The following THRSP variants were observed in gnomAD, a reference collection of about 807,000 sequenced individuals.
THRSP encodes thyroid hormone-inducible hepatic protein.
THRSP carries 9 observed loss-of-function variants against 11.1 expected under a neutral mutation model. The ratio of observed to expected loss-of-function variants is 0.81; its 90% CI spans 0.49 to 1.42. The LOEUF (loss-of-function observed/expected upper bound fraction) is 1.42. Among genes scored for constraint, THRSP ranks in the 40% most tolerant of loss-of-function variants. The probability of loss-of-function intolerance (pLI) is 0.00; values close to 1 mark genes in which losing one functional copy is unlikely to be tolerated. For missense variants in THRSP, 177 were observed against 188.2 expected, an observed-to-expected ratio of 0.94 and a Z score of 0.35; for synonymous variants, 73 against 78.1, an observed-to-expected ratio of 0.94 and a Z score of 0.34.
chr11:78,064,235 C>T lies in THRSP; in HGVS notation c.354C>T (p.Ser118=). 6.2e-7 allele frequency: 1 copy of T among 1,614,090 alleles called. No individual in the cohort carries two copies. Among genetic ancestry groups the T allele is most frequent in the Non-Finnish European group, 8.5e-7 (1 of 1,180,012 alleles). Reference sequence around the variant, plus strand: ...AAGCCCAGTTCCACCTGCACTTCTCCAGCCTCCATCACATCCTCATGCACC... The same window carrying T: ...AAGCCCAGTTCCACCTGCACTTCTCTAGCCTCCATCACATCCTCATGCACC... The part of the protein sequence containing the change: ...DLEAQFHLHF[S]SLHHILMHLT... The change falls in exon 1 of 2, where the codon TCC becomes TCT. Residue 118 remains serine (S), a synonymous_variant. Coordinates refer to ENST00000281030, the MANE Select transcript of THRSP (RefSeq NM_003251.4).
intron 1 of THRSP, among the ~76,000 whole-genome samples, chr11:78,067,162 C>T (rs939671767): frequency 2.4e-5 from 3 of 125,982 alleles, no homozygotes; most frequent in African/African-American, 9.4e-5. Context: ...GCTCTTGTCA[C>T]CCAGGCTGGA....
chr11:78,067,530 G>A (rs1342026641), intron 1 of THRSP, 129 bp from the exon 2 acceptor site: 1 of 152,218 alleles, frequency 6.6e-6, no homozygotes, highest in Non-Finnish European at 1.5e-5. Context: ...TCCTTACAGT[G>A]CTGAGGCACT....
intron 1 of THRSP, among the ~76,000 whole-genome samples, chr11:78,067,247 G>A (rs1858784668): frequency 6.6e-6 from 1 of 151,010 alleles, no homozygotes; most frequent in Non-Finnish European, 1.5e-5. Flanking sequence ...TCAGCCTCCC[G>A]AGTAGCTGGG....
chr11:78,064,320 T>C lies in THRSP; in HGVS notation c.439T>C (p.Ter147GlnextTer11). The C allele has an allele frequency of 1.9e-6, 3 of 1,607,002 alleles. No individual in the cohort carries two copies. Among genetic ancestry groups the C allele is most frequent in the Non-Finnish European group, 2.5e-6 (3 of 1,176,482 alleles). ...CCAGGAAATGACGGGACAAGTTTGG[T>C]AGACCTTGGACACTAGGGAAGGTAA... Reference protein sequence around the residue: ...KYQEMTGQVW* With the variant: ...KYQEMTGQVWQ Residue 147 changes from the stop codon to glutamine (Q), a stop_lost, in exon 1 of 2, where the codon TAG becomes CAG. Transcript: ENST00000281030.
At position 78,064,057 on chromosome 11, in the gene THRSP, A is replaced by T. The variant is rs746755792; in HGVS notation, c.176A>T (p.Tyr59Phe). ...GCTGAGGCCCCTGATCTCTACACCT[A>T]CTTCACCATGCTCAAGGCCATCTGT... ...AQAEAPDLYT[Y>F]FTMLKAICVD... is the part of the protein sequence containing the mutation. The change falls in exon 1 of 2, where the codon TAC (tyrosine) becomes TTC (phenylalanine). Residue 59 changes from tyrosine (Y) to phenylalanine (F), a missense_variant. Tyr to Phe is a conservative substitution (Grantham distance 22). Transcript: ENST00000281030. 1.9e-6 allele frequency: 3 copies of T among 1,614,092 alleles called. No homozygotes were observed. Among genetic ancestry groups the T allele is most frequent in the Non-Finnish European group, 2.5e-6 (3 of 1,180,052 alleles).
chr11:78,064,988 C>CAAAA (rs57192362), intron 1 of THRSP, among the ~76,000 whole-genome samples: 1 of 132,776 alleles, frequency 7.5e-6, no homozygotes, highest in Non-Finnish European at 1.6e-5. Context: ...GACTCCATCT[C>CAAAA]AAAAAAAAAA....
intron 1 of THRSP, among the ~76,000 whole-genome samples, chr11:78,067,122 A>AC (rs1858778133): frequency 1.6e-5 from 1 of 61,162 alleles, no homozygotes; most frequent in East Asian, 3.6e-4. Flanking sequence ...ACCGCACCCA[A>AC]CCTTTTTTTT....
rs751981622 is a variant in THRSP, at chr11:78,063,921, C to T, written c.40C>T (p.Leu14=). The change falls in exon 1 of 2, where the codon CTG becomes TTG. Residue 14 remains leucine, a synonymous_variant. Coordinates refer to ENST00000281030, the MANE Select transcript of THRSP (RefSeq NM_003251.4). ...CAAGCGTTACCCCAAGAACTGCCTGCTGACCGTCATGGACCGGTATGCAGC... is the reference window on the plus strand; with the variant it reads ...CAAGCGTTACCCCAAGAACTGCCTGTTGACCGTCATGGACCGGTATGCAGC... The part of the protein sequence containing the change: ...LTKRYPKNCL[L]TVMDRYAAEV... 1.9e-6 allele frequency: 3 copies of T among 1,598,602 alleles called. No individual in the cohort carries two copies. Among genetic ancestry groups the T allele is most frequent in the Non-Finnish European group, 1.7e-6 (2 of 1,172,488 alleles).
At position 78,067,781 on chromosome 11, in the gene THRSP, A is replaced by T. The variant is rs1285433968; in HGVS notation, c.*142A>T. The T allele has an allele frequency of 6.6e-6, 1 of 152,270 alleles. No individual in the cohort carries two copies. Among genetic ancestry groups the T allele is most frequent in the Non-Finnish European group, 1.5e-5 (1 of 68,100 alleles). 9.4% of individuals were successfully genotyped at this position (152,270 alleles called of 1,614,324 possible). On this transcript the variant is annotated 3_prime_UTR_variant, in exon 2 of 2. Coordinates refer to ENST00000281030, the MANE Select transcript of THRSP (RefSeq NM_003251.4). ...AGTGAAGGCGGCTCAGTTCTCCGGG[A>T]TGCTTCTCTACCTCCTGAGCACCAA...
At chr11:78,067,151 TG>T (rs984292267) in intron 1 of THRSP, among the ~76,000 whole-genome samples, 3 of 135,112 alleles carry the variant, frequency 2.2e-5, no homozygotes, top group Non-Finnish European at 3.2e-5. Flanking sequence ...GATGGAGTCT[TG>T]CTCTTGTCAC....
At position 78,068,150 on chromosome 11, in the gene THRSP, T is replaced by C. The variant is rs1858826711; in HGVS notation, c.*511T>C. ...ACTTGGCATGTGAGGGCTATTAAAA[T>C]AGCCTGATTTTTTTTTTCTCCCCCT... is the stretch of plus-strand genomic sequence containing the variant. On this transcript the variant is annotated 3_prime_UTR_variant, in exon 2 of 2. Coordinates refer to ENST00000281030, the MANE Select transcript of THRSP (RefSeq NM_003251.4). 1 of 151,942 alleles carries C rather than the reference T, an allele frequency of 6.6e-6. No individual in the cohort carries two copies. Among genetic ancestry groups the C allele is most frequent in the African/African-American group, 2.4e-5 (1 of 41,250 alleles). The allele number at this position is 151,942 out of a possible 1,614,324, so 9.4% of individuals were successfully genotyped here.
At chr11:78,067,188 C>G (rs1479697817) in intron 1 of THRSP, among the ~76,000 whole-genome samples, 2 of 149,832 alleles carry the variant, frequency 1.3e-5, no homozygotes, top group South Asian at 2.1e-4. Context: ...GTGGCGCCAC[C>G]TTGGCTCACT....
chr11:78,065,631 A>G (rs774627831), intron 1 of THRSP, among the ~76,000 whole-genome samples: 11 of 152,216 alleles, frequency 7.2e-5, no homozygotes, highest in Non-Finnish European at 1.6e-4. Flanking sequence ...GTTTACTAGT[A>G]TGGAAATTGA....
chr11:78,065,968 G>C (rs903535425), intron 1 of THRSP, among the ~76,000 whole-genome samples: 22 of 152,124 alleles, frequency 1.4e-4, no homozygotes, highest in African/African-American at 4.8e-4. Flanking sequence ...TCTTGAATTA[G>C]ATGGGGCTGT....
In THRSP at chr11:78,068,239, T is replaced by C. The variant is rs2136813958; in HGVS notation, c.*600T>C. 1 of 152,244 alleles carries C rather than the reference T, an allele frequency of 6.6e-6. No homozygotes were observed. Among genetic ancestry groups the C allele is most frequent in the Non-Finnish European group, 1.5e-5 (1 of 68,010 alleles). The allele number at this position is 152,244 out of a possible 1,614,324, so 9.4% of individuals were successfully genotyped here. Reference sequence around the variant, plus strand: ...TCCAGAGCTAAGAGGTAGCAGAGTCTCTTGGGATGAGTGATTCACCCTCTT... The same window carrying C: ...TCCAGAGCTAAGAGGTAGCAGAGTCCCTTGGGATGAGTGATTCACCCTCTT... On this transcript the variant is annotated 3_prime_UTR_variant, in exon 2 of 2. Transcript: ENST00000281030.
intron 1 of THRSP, among the ~76,000 whole-genome samples, chr11:78,064,650 G>C (rs1183021373): frequency 6.6e-6 from 1 of 152,140 alleles, no homozygotes; most frequent in Non-Finnish European, 1.5e-5. Context: ...GTGAATGCTT[G>C]TAAATGTGTG....
chr11:78,067,319 A>G (rs1257294251), intron 1 of THRSP, among the ~76,000 whole-genome samples: 2 of 150,550 alleles, frequency 1.3e-5, no homozygotes, highest in African/African-American at 4.9e-5. Context: ...ACAGGGTTTC[A>G]CCATGTTGGC....
At position 78,068,351 on chromosome 11, in the gene THRSP, A is replaced by G. The variant is rs1202542400; in HGVS notation, c.*712A>G. On this transcript the variant is annotated 3_prime_UTR_variant, in exon 2 of 2. Coordinates refer to ENST00000281030, the MANE Select transcript of THRSP (RefSeq NM_003251.4). ...ACTAATAAAAAATCCAAAGCCTTGT[A>G]TTTGTACATCTTTATTATTTCTAAA... 2 of 152,192 alleles carry G rather than the reference A, an allele frequency of 1.3e-5. No homozygotes were observed. 9.4% of individuals were successfully genotyped at this position (152,192 alleles called of 1,614,324 possible).
chr11:78,064,286 A>G lies in THRSP; in HGVS notation c.405A>G (p.Thr135=). 6.2e-7 allele frequency: 1 copy of G among 1,613,120 alleles called. No individual in the cohort carries two copies. Among genetic ancestry groups the G allele is most frequent in the Admixed American group, 1.7e-5 (1 of 59,768 alleles). The change falls in exon 1 of 2, where the codon ACA becomes ACG. Residue 135 remains threonine (T), a synonymous_variant. Transcript: ENST00000281030. The stretch of plus-strand genomic sequence containing the variant: ...TCACCGAGAAAGCCCAGGAGGTGAC[A>G]AGGAAATACCAGGAAATGACGGGAC... The part of the protein sequence containing the change: ...MHLTEKAQEV[T]RKYQEMTGQV...
Sources: gnomAD v4.1 joint callset for allele counts (sites outside exome capture counted in the v4.1 genomes callset) on GRCh38, gnomAD v4.1.1 for gene constraint, MANE v1.5 for transcripts, NCBI Gene and HGNC (gene_info 2026-07-23, HGNC 2026-07-21) for gene names.